PCDH15: variants seen among roughly 807,000 people sequenced by gnomAD.
PCDH15 encodes the protein protocadherin related 15, also known as protocadherin-15.
A neutral mutation model predicts 178.5 loss-of-function variants in PCDH15; 129 were observed. That is an observed-to-expected ratio of 0.72 (90% confidence interval 0.63 to 0.84). The LOEUF (loss-of-function observed/expected upper bound fraction) is 0.84, where lower values mean the gene tolerates loss of function less well. Ranked by LOEUF, PCDH15 falls within the 40% of genes least tolerant of loss-of-function variation. PCDH15 has a pLI of 0.00. For synonymous variants in PCDH15, 800 were observed against 732.0 expected, an observed-to-expected ratio of 1.09 and a Z score of -1.50; for missense variants, 2,230 against 2,099.9, an observed-to-expected ratio of 1.06 and a Z score of -1.21.
chr10:55,108,756 T>C (rs1837422010), intron 2 of PCDH15, among the ~76,000 whole-genome samples: 1 of 151,916 alleles, frequency 6.6e-6, no homozygotes, highest in Non-Finnish European at 1.5e-5. Context: ...ATGGCTAGTC[T>C]ATAGTTTCAG....
rs938382036 is a variant in PCDH15, at chr10:54,485,218, T to G, written c.157+42594A>C. Among the ~76,000 whole-genome samples, 7 of 151,004 alleles carry G rather than the reference T, an allele frequency of 4.6e-5. No homozygotes were observed. In the South Asian group the frequency reaches 1.5e-3, roughly 31 times the overall value. ...ACACTATGTCAAAAGTTTTGAGCAA[T>G]AAAAAAAAATCTCCGACTTTCTATA... On this transcript the variant is annotated intron_variant, in intron 3 of 37. Transcript: ENST00000644397.
chr10:53,931,469 A>T (rs1414222040), intron 25 of PCDH15, among the ~76,000 whole-genome samples: 1 of 152,200 alleles, frequency 6.6e-6, no homozygotes, highest in African/African-American at 2.4e-5. Flanking sequence ...CATGCATTTT[A>T]GGCTATTGGG....
intron 35 of PCDH15, 126 bp downstream of exon 35, chr10:53,816,113 C>T (rs1447579930): frequency 2.5e-6 from 1 of 393,754 alleles, no homozygotes; most frequent in Non-Finnish European, 4.5e-6. Flanking sequence ...TTGAAAGACT[C>T]TTTTCTTTTC....
At chr10:54,183,246 C>A (rs549985120) in intron 13 of PCDH15, among the ~76,000 whole-genome samples, 198 bp downstream of exon 13, 1 of 152,218 alleles carries the variant, frequency 6.6e-6, no homozygotes, top group African/African-American at 2.4e-5. Context: ...GCTGGGATTA[C>A]AGGCGTGAGC....
intron 11 of PCDH15, among the ~76,000 whole-genome samples, chr10:54,186,437 T>C (rs1473675033): frequency 6.6e-6 from 1 of 152,010 alleles, no homozygotes; most frequent in African/African-American, 2.4e-5. Context: ...GTGAACATGA[T>C]TTGATCCACA....
intron 1 of PCDH15, among the ~76,000 whole-genome samples, chr10:54,668,999 G>GT (rs1385978841): frequency 1.3e-5 from 2 of 152,114 alleles, no homozygotes; most frequent in African/African-American, 4.8e-5. Context: ...TGTGAGAAAC[G>GT]TATGCTATCT....
intron 2 of PCDH15, among the ~76,000 whole-genome samples, chr10:55,567,676 A>G (rs1842329595): frequency 6.6e-6 from 1 of 152,012 alleles, no homozygotes; most frequent in Non-Finnish European, 1.5e-5. Flanking sequence ...TGGCAAATAA[A>G]CACTTGAAAA....
intron 27 of PCDH15, among the ~76,000 whole-genome samples, chr10:53,858,358 G>C (rs940821841): frequency 7.2e-5 from 11 of 152,018 alleles, no homozygotes; most frequent in African/African-American, 2.4e-4. Context: ...TCAGGAACCA[G>C]GCAGGTAACT....
At chr10:54,892,846 C>G (rs1309527862) in intron 3 of PCDH15, among the ~76,000 whole-genome samples, 1 of 151,426 alleles carries the variant, frequency 6.6e-6, no homozygotes. Flanking sequence ...CTTGCCTCAG[C>G]TTTCTGAGTA....
intron 2 of PCDH15, among the ~76,000 whole-genome samples, chr10:54,987,631 T>G (rs566483173): frequency 5.8e-4 from 89 of 152,228 alleles, no homozygotes; most frequent in Non-Finnish European, 1.1e-3. Context: ...TTGAGCTTTT[T>G]TTCATATGTT....
In PCDH15 at chr10:53,821,289, C is replaced by T. The variant is rs2076258404; in HGVS notation, c.4368-1059G>A. 9 of 985,490 alleles carry T rather than the reference C, an allele frequency of 9.1e-6. No homozygotes were observed. In the South Asian group the frequency reaches 3.7e-4, roughly 41 times the overall value. 61.0% of individuals were successfully genotyped at this position (985,490 alleles called of 1,614,324 possible). On this transcript the variant is annotated intron_variant, in intron 32 of 37. Coordinates refer to ENST00000644397, the MANE Select transcript of PCDH15 (RefSeq NM_001384140.1). Reference sequence around the variant, plus strand: ...GATGTTCTTATCAGAAAACAGATGACTACATGTTATAGCACCTGAGATTTA... The same window carrying T: ...GATGTTCTTATCAGAAAACAGATGATTACATGTTATAGCACCTGAGATTTA...
rs185459525 is a variant in PCDH15, at chr10:54,935,240, A to G, written c.-79-37740T>C. 6.5e-4 allele frequency among the ~76,000 whole-genome samples: 99 copies of G among 152,246 alleles called. 1 individual carries two copies. Among genetic ancestry groups the G allele is most frequent in the Non-Finnish European group, 1.2e-3 (80 of 68,018 alleles). ...AAACTTAAAGTATAATAATAATAATATAAAAAATCATTTTAAAATACACAT... is the reference window on the plus strand; with the variant it reads ...AAACTTAAAGTATAATAATAATAATGTAAAAAATCATTTTAAAATACACAT... On this transcript the variant is annotated intron_variant, in intron 2 of 5. Transcript: ENST00000458638.
At chr10:54,745,484 T>C (rs1340952741) in intron 1 of PCDH15, among the ~76,000 whole-genome samples, 1 of 152,200 alleles carries the variant, frequency 6.6e-6, no homozygotes, top group Non-Finnish European at 1.5e-5. Context: ...TCTCTTTAAG[T>C]AGGCATGTTG....
At position 54,546,455 on chromosome 10, in the gene PCDH15, T is replaced by C. The variant is rs146810955; in HGVS notation, c.92-18578A>G. 7.2e-4 allele frequency among the ~76,000 whole-genome samples: 110 copies of C among 152,246 alleles called. 3 individuals are homozygous for C. In the East Asian group the frequency reaches 0.021, roughly 29 times the overall value. On this transcript the variant is annotated intron_variant, in intron 2 of 37. Transcript: ENST00000644397. ...TATTATTGTTATTAGTGATTTCTTA[T>C]TGAATTCCTAAATTGCTTTTAGGAA...
chr10:54,028,948 A>AC (rs2093210336), intron 18 of PCDH15, among the ~76,000 whole-genome samples: 1 of 134,094 alleles, frequency 7.5e-6, no homozygotes, highest in African/African-American at 3.1e-5. Flanking sequence ...TAATAATAAA[A>AC]AAAAGACTAC....
At chr10:54,839,272 G>T (rs1953374916) in intron 3 of PCDH15, among the ~76,000 whole-genome samples, 1 of 151,696 alleles carries the variant, frequency 6.6e-6, no homozygotes, top group African/African-American at 2.4e-5. Flanking sequence ...AAAATCTGAA[G>T]AAAAAACAAT....
intron 1 of PCDH15, among the ~76,000 whole-genome samples, chr10:54,746,654 ATATAAT>A (rs2132896401): frequency 1.3e-5 from 2 of 152,338 alleles, no homozygotes; most frequent in South Asian, 2.1e-4. Flanking sequence ...TCATGTGCAA[ATATAAT>A]TATAATCTTA....
chr10:54,572,075 C>T (rs2089917839), intron 2 of PCDH15, among the ~76,000 whole-genome samples: 1 of 152,076 alleles, frequency 6.6e-6, no homozygotes, highest in Non-Finnish European at 1.5e-5. Context: ...AATGATACTA[C>T]TCAGGTTTCT....
chr10:54,760,797 C>T (rs1566157934), intron 1 of PCDH15, among the ~76,000 whole-genome samples: 1 of 152,072 alleles, frequency 6.6e-6, no homozygotes. Flanking sequence ...TCTTTGTTAA[C>T]AGTTATCTTT....
Sources: allele counts gnomAD v4.1 joint callset (sites outside exome capture counted in the v4.1 genomes callset), GRCh38; gene constraint gnomAD v4.1.1; transcripts MANE v1.5; gene names NCBI Gene and HGNC (gene_info 2026-07-23, HGNC 2026-07-21).